The following IGFBP1 variants were observed in gnomAD, a reference collection of about 807,000 sequenced individuals.
IGFBP1 encodes the protein insulin like growth factor binding protein 1, also known as insulin-like growth factor-binding protein 1.
A neutral mutation model predicts 23.1 loss-of-function variants in IGFBP1; 31 were observed. That is an observed-to-expected ratio of 1.34 (90% confidence interval 1.01 to 1.81). The LOEUF (loss-of-function observed/expected upper bound fraction) is 1.81. Ranked by LOEUF, IGFBP1 falls within the 40% of genes most tolerant of loss-of-function variation. The pLI is 0.00. For synonymous variants in IGFBP1, 148 were observed against 145.5 expected, an observed-to-expected ratio of 1.02 and a Z score of -0.13; for missense variants, 333 against 342.2, an observed-to-expected ratio of 0.97 and a Z score of 0.21.
rs755624791 is a variant in IGFBP1 at position 45,888,742 on chromosome 7, C to T, written c.90C>T (p.Cys30=). The T allele has an allele frequency of 1.3e-6, 2 of 1,591,982 alleles. No individual in the cohort carries two copies. Among genetic ancestry groups the T allele is most frequent in the Non-Finnish European group, 1.7e-6 (2 of 1,177,554 alleles). Residue 30 remains cysteine (C), a synonymous_variant, in exon 1 of 4, where the codon TGC becomes TGT. Transcript: ENST00000275525. ...TGACAGCCGGCGCTCCGTGGCAGTG[C>T]GCGCCCTGCTCCGCCGAGAAGCTCG... ...VGVTAGAPWQ[C]APCSAEKLAL... is the part of the protein sequence containing the mutation.
chr7:45,888,931 T>C lies in IGFBP1; in HGVS notation c.279T>C (p.Pro93=). ...SCRALPGEQQ[P]LHALTRGQGA... ...GCGCGCTGCCGGGGGAGCAGCAACC[T>C]CTGCACGCCCTCACCCGCGGCCAAG... Residue 93 remains proline (P), a synonymous_variant, in exon 1 of 4, where the codon CCT becomes CCC. Transcript: ENST00000275525. 1 of 1,517,276 alleles carries C rather than the reference T, an allele frequency of 6.6e-7. No homozygotes were observed. The highest frequency in any genetic ancestry group is 8.8e-7 in the Non-Finnish European group (1 of 1,141,548). 94.0% of individuals were successfully genotyped at this position (1,517,276 alleles called of 1,614,324 possible).
At chr7:45,889,039 GCCCGCCCCCGCCCGGCACCTCCCGCCC>G in intron 1 of IGFBP1, 38 bp downstream of exon 1, 1 of 1,412,084 alleles carries the variant, frequency 7.1e-7, no homozygotes, top group East Asian at 2.8e-5. Context: ...ACCTCCTGCC[GCCCGCCCCCGCCCGGCACCTCCCGCCC>G]CCACTCCCCT....
At position 45,891,353 on chromosome 7, in the gene IGFBP1, C is replaced by T. The variant is rs137962234; in HGVS notation, c.520-579C>T. ...AAATAAATTACTTCCACAAACATGC[C>T]TACCCAGAAAAAGGGAGGATTAAAC... On this transcript the variant is annotated intron_variant, in intron 2 of 3. Transcript: ENST00000275525. Among the ~76,000 whole-genome samples, 353 of 152,264 alleles carry T rather than the reference C, an allele frequency of 2.3e-3. 1 individual carries two copies. Among genetic ancestry groups the T allele is most frequent in the African/African-American group, 8.0e-3 (334 of 41,560 alleles).
chr7:45,890,581 A>C lies in IGFBP1; in HGVS notation c.383A>C (p.Glu128Ala), dbSNP rs1437526404. The C allele has an allele frequency of 6.2e-7, 1 of 1,613,244 alleles. No individual in the cohort carries two copies. Among genetic ancestry groups the C allele is most frequent in the Non-Finnish European group, 8.5e-7 (1 of 1,179,680 alleles). The change falls in exon 2 of 4, where the codon GAG (glutamate) becomes GCG (alanine). Residue 128 changes from glutamate (E) to alanine (A), a missense_variant. Coordinates refer to ENST00000275525, the MANE Select transcript of IGFBP1 (RefSeq NM_000596.4). The part of the protein sequence containing the change: ...AGSPESPEST[E>A]ITEEELLDNF... ...AGCCCTGAAAGCCCAGAGAGCACGG[A>C]GATAACTGAGGAGGAGCTCCTGGAT...
chr7:45,890,164 G>A (rs1012705155), intron 1 of IGFBP1, among the ~76,000 whole-genome samples: 1 of 152,206 alleles, frequency 6.6e-6, no homozygotes, highest in East Asian at 1.9e-4. Flanking sequence ...TTTTAAGGAT[G>A]GAGAAGCTGA....
At chr7:45,889,538 A>G (rs1415701762) in intron 1 of IGFBP1, among the ~76,000 whole-genome samples, 1 of 152,264 alleles carries the variant, frequency 6.6e-6, no homozygotes, top group African/African-American at 2.4e-5. Context: ...TTTACAGAAC[A>G]TAATGTGAGA....
At chr7:45,892,119 T>A in intron 3 of IGFBP1, 59 bp downstream of exon 3, 1 of 1,579,154 alleles carries the variant, frequency 6.3e-7, no homozygotes, top group South Asian at 1.1e-5. Flanking sequence ...CCTACATTCC[T>A]GCCAAGCCAC....
rs1187180674 is a variant in IGFBP1 at position 45,893,220 on chromosome 7, C to T, written c.*129C>T. The stretch of plus-strand genomic sequence containing the variant: ...TAGTAACTACTTTTTATACTCCATA[C>T]ATAACTTGATATAGAAAGCTGTTTA... On this transcript the variant is annotated 3_prime_UTR_variant, in exon 4 of 4. Transcript: ENST00000275525. The T allele has an allele frequency of 2.6e-6, 1 of 378,782 alleles. No homozygotes were observed. The highest frequency in any genetic ancestry group is 4.2e-6 in the Non-Finnish European group (1 of 236,986). The allele number at this position is 378,782 out of a possible 1,614,324, so 23.5% of individuals were successfully genotyped here.
In IGFBP1 at chr7:45,888,555, T is replaced by A; in HGVS notation, c.-98T>A. ...CCGCCGCCACCCTCCCAGAGAGCAC[T>A]GGCCACCGCTCCACCATCACTTGCC... On this transcript the variant is annotated 5_prime_UTR_variant, in exon 1 of 4. Transcript: ENST00000275525. 9.5e-7 allele frequency: 1 copy of A among 1,053,220 alleles called. No homozygotes were observed. The highest frequency in any genetic ancestry group is 1.4e-6 in the Non-Finnish European group (1 of 718,882). The allele number at this position is 1,053,220 out of a possible 1,614,324, so 65.2% of individuals were successfully genotyped here.
chr7:45,890,793 T>C (rs1787068250), intron 2 of IGFBP1, 76 bp downstream of exon 2: 6 of 1,281,390 alleles, frequency 4.7e-6, no homozygotes, highest in Admixed American at 4.6e-5. Context: ...CAAGCAGACC[T>C]GGCCCACTCC....
At position 45,892,945 on chromosome 7, in the gene IGFBP1, G is replaced by A. The variant is rs747805510; in HGVS notation, c.649-15G>A. 85 of 1,609,598 alleles carry A rather than the reference G, an allele frequency of 5.3e-5. No homozygotes were observed. The highest frequency in any genetic ancestry group is 1.9e-4 in the Middle Eastern group (1 of 5,392). ...TTGTCATCTGCTGCTCTTGACCTTG[G>A]TCTTGTCTTTGCAGTGTGAGACATC... is the stretch of plus-strand genomic sequence containing the variant. On this transcript the variant is annotated splice_polypyrimidine_tract_variant and intron_variant, in intron 3 of 3. Coordinates refer to ENST00000275525, the MANE Select transcript of IGFBP1 (RefSeq NM_000596.4).
chr7:45,893,050 G>A lies in IGFBP1; in HGVS notation c.739G>A (p.Gly247Arg). The A allele has an allele frequency of 6.2e-7, 1 of 1,612,562 alleles. No individual in the cohort carries two copies. Among genetic ancestry groups the A allele is most frequent in the South Asian group, 1.1e-5 (1 of 91,014 alleles). ...KRIPGSPEIR[G>R]DPNCQIYFNV... ...GATCCCTGGGTCTCCAGAGATCAGG[G>A]GAGACCCCAACTGCCAGATATATTT... Residue 247 changes from glycine to arginine, a missense_variant, in exon 4 of 4, where the codon GGA (glycine) becomes AGA (arginine). By Grantham distance (125) the Gly-to-Arg change is moderately radical. Coordinates refer to ENST00000275525, the MANE Select transcript of IGFBP1 (RefSeq NM_000596.4).
Position 45,889,029 on chromosome 7 carries a change from A to G in IGFBP1, c.349+28A>G, listed in dbSNP as rs1381421830. The G allele has an allele frequency of 2.7e-6, 4 of 1,462,310 alleles. No homozygotes were observed. In the African/African-American group the frequency reaches 5.9e-5, roughly 22 times the overall value. 90.6% of individuals were successfully genotyped at this position (1,462,310 alleles called of 1,614,324 possible). A position where few individuals can be genotyped will look rare whatever the true frequency, so the allele number is the denominator to read the frequency against. On this transcript the variant is annotated intron_variant, in intron 1 of 3. Coordinates refer to ENST00000275525, the MANE Select transcript of IGFBP1 (RefSeq NM_000596.4). ...ACCACAGTCCCGCCCCTGCTCCAGC[A>G]CCTCCTGCCGCCCGCCCCCGCCCGG... is the stretch of plus-strand genomic sequence containing the variant.
chr7:45,892,388 T>A (rs954616444), intron 3 of IGFBP1, among the ~76,000 whole-genome samples: 3 of 152,216 alleles, frequency 2.0e-5, no homozygotes, highest in African/African-American at 7.2e-5. Context: ...GTTCCTCACC[T>A]ATACAAGAGA....
At chr7:45,890,490 C>T (rs1012652580) in intron 1 of IGFBP1, 58 bp from the exon 2 acceptor site, 2 of 1,522,160 alleles carry the variant, frequency 1.3e-6, no homozygotes, top group Admixed American at 4.2e-5. Context: ...CTCCTGGGGG[C>T]CCGAAAGGGG....
intron 3 of IGFBP1, 131 bp from the exon 4 acceptor site, chr7:45,892,829 C>G (rs1307446592): frequency 9.3e-6 from 7 of 755,916 alleles, no homozygotes; most frequent in Non-Finnish European, 1.5e-5. Context: ...TCATGGGCAG[C>G]TGGTTTCACA....
At position 45,893,285 on chromosome 7, in the gene IGFBP1, C is replaced by T. The variant is rs1787116847; in HGVS notation, c.*194C>T. ...GTTTATTTTTTCTACACAGTAAAAA[C>T]TTGTACTATGTTAATAACTTGTCCT... On this transcript the variant is annotated 3_prime_UTR_variant, in exon 4 of 4. Transcript: ENST00000275525. 2 of 218,574 alleles carry T rather than the reference C, an allele frequency of 9.2e-6. No homozygotes were observed. Among genetic ancestry groups the T allele is most frequent in the South Asian group, 1.5e-4 (1 of 6,624 alleles). 13.5% of individuals were successfully genotyped at this position (218,574 alleles called of 1,614,324 possible).
chr7:45,889,144 AGTT>A lies in IGFBP1; in HGVS notation c.349+145_349+147del, dbSNP rs1787036867. The A allele has an allele frequency of 1.3e-5, 8 of 639,754 alleles. No homozygotes were observed. In the South Asian group the frequency reaches 1.6e-4, roughly 12 times the overall value. The allele number at this position is 639,754 out of a possible 1,614,324, so 39.6% of individuals were successfully genotyped here. On this transcript the variant is annotated intron_variant, in intron 1 of 3. Transcript: ENST00000275525. The stretch of plus-strand genomic sequence containing the variant: ...ACTAGAGCTTGAAACCAGAGCACGT[AGTT>A]GGGGAAGGAGCTTGGGTCACCCAGT...
intron 3 of IGFBP1, 129 bp downstream of exon 3, chr7:45,892,189 C>T (rs1787090386): frequency 2.1e-6 from 2 of 931,992 alleles, no homozygotes; most frequent in Non-Finnish European, 3.2e-6. Context: ...TTGTATTGAG[C>T]CAGATCCACC....
Sources: gnomAD v4.1 joint callset for allele counts (sites outside exome capture counted in the v4.1 genomes callset) on GRCh38, gnomAD v4.1.1 for gene constraint, MANE v1.5 for transcripts, NCBI Gene and HGNC (gene_info 2026-07-23, HGNC 2026-07-21) for gene names.